Variants in RNF10 observed in about 807,000 individuals in gnomAD.
RNF10 encodes the protein E3 ubiquitin-protein ligase RNF10.
RNF10 carries 38 observed loss-of-function variants against 91.4 expected under a neutral mutation model. That is an observed-to-expected ratio of 0.42 (90% CI 0.32 to 0.54). The LOEUF (loss-of-function observed/expected upper bound fraction) is 0.54. Among genes scored for constraint, RNF10 ranks in the 20% least tolerant of loss-of-function variants. The pLI is 0.16. For synonymous variants in RNF10, 364 were observed against 366.3 expected, an observed-to-expected ratio of 0.99 and a Z score of 0.07; for missense variants, 945 against 1,012.0, an observed-to-expected ratio of 0.93 and a Z score of 0.90.
At chr12:120,537,252 G>A (rs886841711) in intron 1 of RNF10, among the ~76,000 whole-genome samples, 1 of 152,046 alleles carries the variant, frequency 6.6e-6, no homozygotes, top group African/African-American at 2.4e-5. Flanking sequence ...GTTCGAGGTT[G>A]CAGTGAGCCA....
chr12:120,546,536 C>A lies in RNF10; in HGVS notation c.289C>A (p.Pro97Thr), dbSNP rs532913985. 1 of 1,614,056 alleles carries A rather than the reference C, an allele frequency of 6.2e-7. No individual in the cohort carries two copies. The highest frequency in any genetic ancestry group is 8.5e-7 in the Non-Finnish European group (1 of 1,180,032). ...AAGCAAGACTTTTAACAAGATGCCT[C>A]CTCAAAGGGGCGGCGGCAGCAGCAA... ...QKSKTFNKMPPQRGGGSSKLF... is the reference protein window; with the variant it reads ...QKSKTFNKMPTQRGGGSSKLF... Residue 97 changes from proline (P) to threonine (T), a missense_variant, in exon 2 of 17, where the codon CCT becomes ACT. Physicochemically the swap from Pro to Thr is conservative, Grantham distance 38. Transcript: ENST00000325954.
intron 2 of RNF10, among the ~76,000 whole-genome samples, chr12:120,551,215 G>A (rs1440033266): frequency 6.7e-6 from 1 of 150,140 alleles, no homozygotes; most frequent in Non-Finnish European, 1.5e-5. Context: ...CAAACTCCTG[G>A]CCTCAAATGA....
chr12:120,560,707 C>A lies in RNF10; in HGVS notation c.968-19C>A, dbSNP rs777484709. 3 of 1,603,190 alleles carry A rather than the reference C, an allele frequency of 1.9e-6. No individual in the cohort carries two copies. Among genetic ancestry groups the A allele is most frequent in the Non-Finnish European group, 2.6e-6 (3 of 1,171,494 alleles). ...GCTTTGAATGTTGCATTTCTTTGATCTTGCTGGCATTCTTATAGATGAACA... is the reference window on the plus strand; with the variant it reads ...GCTTTGAATGTTGCATTTCTTTGATATTGCTGGCATTCTTATAGATGAACA... On this transcript the variant is annotated intron_variant, in intron 6 of 16. Coordinates refer to ENST00000325954, the MANE Select transcript of RNF10 (RefSeq NM_014868.5).
chr12:120,571,290 A>G lies in RNF10; in HGVS notation c.2141A>G (p.Gln714Arg). 3.1e-6 allele frequency: 5 copies of G among 1,609,816 alleles called. No individual in the cohort carries two copies. Among genetic ancestry groups the G allele is most frequent in the Non-Finnish European group, 4.3e-6 (5 of 1,176,102 alleles). ...EEDSPFPSFA[Q>R]MLRVGKAKAD... ...GACTCTCCCTTCCCTTCCTTTGCCCAGGTAAATCCTTTGCTTGTGAAGCAG... is the reference window on the plus strand; with the variant it reads ...GACTCTCCCTTCCCTTCCTTTGCCCGGGTAAATCCTTTGCTTGTGAAGCAG... Residue 714 changes from glutamine to arginine, a missense_variant and splice_region_variant, in exon 14 of 17, where the codon CAG (glutamine) becomes CGG (arginine). Coordinates refer to ENST00000325954, the MANE Select transcript of RNF10 (RefSeq NM_014868.5).
At chr12:120,547,263 G>T (rs1026031072) in intron 2 of RNF10, among the ~76,000 whole-genome samples, 1 of 152,140 alleles carries the variant, frequency 6.6e-6, no homozygotes, top group Non-Finnish European at 1.5e-5. Context: ...TTTTGAGAGA[G>T]ACCTAAAAGA....
intron 6 of RNF10, among the ~76,000 whole-genome samples, chr12:120,560,154 GTT>G (rs71076633): frequency 2.3e-5 from 3 of 132,406 alleles, no homozygotes; most frequent in Admixed American, 7.7e-5. Context: ...GGTTTTTTTT[GTT>G]TTTTTTTTTT....
chr12:120,565,018 T>G (rs1875475595), intron 10 of RNF10, 54 bp from the exon 11 acceptor site: 3 of 1,244,936 alleles, frequency 2.4e-6, no homozygotes, highest in Non-Finnish European at 3.6e-6. Flanking sequence ...TAGGACCCCC[T>G]GCTTTCAGAG....
intron 4 of RNF10, among the ~76,000 whole-genome samples, 160 bp downstream of exon 4, chr12:120,554,968 G>A (rs1212341019): frequency 6.6e-6 from 1 of 152,232 alleles, no homozygotes; most frequent in African/African-American, 2.4e-5. Context: ...TCTTCCTGGA[G>A]TCCATTTTGT....
At chr12:120,571,621 CA>C (rs1876640056) in intron 14 of RNF10, among the ~76,000 whole-genome samples, 1 of 152,130 alleles carries the variant, frequency 6.6e-6, no homozygotes. Flanking sequence ...TAGACGTACC[CA>C]GGAAAGAGGC....
intron 6 of RNF10, among the ~76,000 whole-genome samples, chr12:120,560,079 C>T (rs773196544): frequency 2.0e-5 from 3 of 151,668 alleles, no homozygotes; most frequent in Non-Finnish European, 4.4e-5. Flanking sequence ...TGCGCTGGTC[C>T]ACCATTTCTT....
chr12:120,573,334 C>T (rs867990976), intron 14 of RNF10, among the ~76,000 whole-genome samples: 6 of 152,140 alleles, frequency 3.9e-5, no homozygotes, highest in Admixed American at 2.0e-4. Context: ...GATCTATAAC[C>T]GTTCCTTTGC....
intron 6 of RNF10, 33 bp downstream of exon 6, chr12:120,557,715 C>G: frequency 6.2e-7 from 1 of 1,610,656 alleles, no homozygotes; most frequent in Non-Finnish European, 8.5e-7. Flanking sequence ...ACAAATAATC[C>G]TGGGTACATT....
chr12:120,541,902 T>G (rs948490063), intron 1 of RNF10, among the ~76,000 whole-genome samples: 1 of 151,462 alleles, frequency 6.6e-6, no homozygotes, highest in Non-Finnish European at 1.5e-5. Flanking sequence ...AGTCTCACTG[T>G]GTCTCCCAGG....
At chr12:120,549,254 A>T (rs1447425437) in intron 2 of RNF10, among the ~76,000 whole-genome samples, 3 of 151,976 alleles carry the variant, frequency 2.0e-5, no homozygotes, top group Non-Finnish European at 2.9e-5. Flanking sequence ...CCAAGAGGAG[A>T]TTTGGAAGCC....
At chr12:120,559,291 C>A (rs1194895220) in intron 6 of RNF10, among the ~76,000 whole-genome samples, 2 of 146,410 alleles carry the variant, frequency 1.4e-5, no homozygotes, top group Non-Finnish European at 3.0e-5. Flanking sequence ...AAACGATTTT[C>A]CTTCCTCAGC....
At position 120,554,157 on chromosome 12, in the gene RNF10, G is replaced by A. The variant is rs144698671; in HGVS notation, c.555-561G>A. ...CCTGACCTCGTGATTCACCTGCCTC[G>A]GCCTCCCAAAGTGCTGGGATTACAG... On this transcript the variant is annotated intron_variant, in intron 3 of 16. Transcript: ENST00000325954. Among the ~76,000 whole-genome samples, 1,309 of 151,990 alleles carry A rather than the reference G, an allele frequency of 8.6e-3. 16 individuals carry two copies. Among genetic ancestry groups the A allele is most frequent in the African/African-American group, 0.03 (1,249 of 41,432 alleles).
rs1354193738 is a variant in RNF10 at position 120,534,978 on chromosome 12, G to A, written c.157+10G>A. The A allele has an allele frequency of 3.8e-6, 6 of 1,586,592 alleles. No individual in the cohort carries two copies. Among genetic ancestry groups the A allele is most frequent in the Admixed American group, 1.7e-5 (1 of 57,678 alleles). On this transcript the variant is annotated intron_variant, in intron 1 of 16. Transcript: ENST00000325954. ...TCTAAACCCAAGAGCGGTAAGGACG[G>A]GCCTGCGGCAGTGGGCGGGGGCGAC...
rs887790868 is a variant in RNF10, at chr12:120,556,726, G to GT, written c.646-549dup. ...TTAGGCCTTTATGCATACATATTAA[G>GT]TTTTTTTATAAATGGGAATATAGTG... On this transcript the variant is annotated intron_variant, in intron 4 of 16. Transcript: ENST00000325954. Among the ~76,000 whole-genome samples the GT allele has an allele frequency of 3.3e-5, 5 of 151,748 alleles. 1 individual carries two copies. Among genetic ancestry groups the GT allele is most frequent in the Admixed American group, 1.3e-4 (2 of 15,212 alleles).
rs1225551112 is a variant in RNF10 at position 120,560,757 on chromosome 12, G to C, written c.999G>C (p.Leu333=). ...AGCACAGCCAGTACTCCAAGTTGCT[G>C]CTGGCCTCTAAGGAGCAGGTGCTGC... ...DEQHSQYSKL[L]LASKEQVLHR... is the part of the protein sequence containing the mutation. Residue 333 remains leucine (L), a synonymous_variant, in exon 7 of 17, where the codon CTG becomes CTC. Coordinates refer to ENST00000325954, the MANE Select transcript of RNF10 (RefSeq NM_014868.5). The C allele has an allele frequency of 6.2e-7, 1 of 1,614,068 alleles. No individual in the cohort carries two copies. Among genetic ancestry groups the C allele is most frequent in the African/African-American group, 1.3e-5 (1 of 75,036 alleles).
Sources: allele counts gnomAD v4.1 joint callset (sites outside exome capture counted in the v4.1 genomes callset), GRCh38; gene constraint gnomAD v4.1.1; transcripts MANE v1.5; gene names NCBI Gene and HGNC (gene_info 2026-07-23, HGNC 2026-07-21).